The following TBCD variants were observed in gnomAD, a reference collection of about 807,000 sequenced individuals.
TBCD encodes the protein tubulin-specific chaperone D.
Under a neutral mutation model 169.3 loss-of-function variants are expected in TBCD, and 105 were observed. The observed-to-expected ratio is 0.62, with a 90% confidence interval of 0.53 to 0.73. TBCD has a LOEUF of 0.73. Among genes scored for constraint, TBCD ranks in the 30% least tolerant of loss-of-function variants. TBCD has a pLI of 0.00. For synonymous variants in TBCD, 700 were observed against 643.9 expected, an observed-to-expected ratio of 1.09 and a Z score of -1.32; for missense variants, 1,444 against 1,600.1, an observed-to-expected ratio of 0.90 and a Z score of 1.66.
intron 15 of TBCD, among the ~76,000 whole-genome samples, chr17:82,887,947 A>T (rs2058869818): frequency 6.6e-6 from 1 of 151,888 alleles, no homozygotes; most frequent in African/African-American, 2.4e-5. Context: ...TGTTTTTTGT[A>T]GTTCTTGAGT....
chr17:82,941,523 C>A (rs2063259067), intron 38 of TBCD, 40 bp downstream of exon 38: 2 of 1,529,322 alleles, frequency 1.3e-6, no homozygotes, highest in Non-Finnish European at 8.9e-7. Context: ...GCCTGTGCTT[C>A]CCTGAGCTCT....
At chr17:82,895,241 C>T (rs1279905956) in intron 17 of TBCD, among the ~76,000 whole-genome samples, 1 of 152,232 alleles carries the variant, frequency 6.6e-6, no homozygotes, top group Non-Finnish European at 1.5e-5. Context: ...CACCGGCAGG[C>T]AGGCCCCTCC....
chr17:82,930,665 C>T lies in TBCD; in HGVS notation c.3113+22C>T. ...AGAGGTGAGTGGTGTCTCTTGGGGC[C>T]TCAGAGGCGTGAGTGGTGCTGGTGC... On this transcript the variant is annotated intron_variant, in intron 33 of 38. Coordinates refer to ENST00000355528, the MANE Select transcript of TBCD (RefSeq NM_005993.5). This position sits in a 1 kb window ranked among gnomAD's most constrained non-coding sequence, Gnocchi z 5.2. 1 of 1,613,786 alleles carries T rather than the reference C, an allele frequency of 6.2e-7. No homozygotes were observed. The highest frequency in any genetic ancestry group is 8.5e-7 in the Non-Finnish European group (1 of 1,179,812).
At position 82,831,660 on chromosome 17, in the gene TBCD, C is replaced by A. The variant is rs375619355; in HGVS notation, c.1318+16726C>A. 15 of 1,613,970 alleles carry A rather than the reference C, an allele frequency of 9.3e-6. No homozygotes were observed. Among genetic ancestry groups the A allele is most frequent in the Middle Eastern group, 1.6e-4 (1 of 6,084 alleles). ...ACAGCAGGGGTGCGTCACACTCAGG[C>A]GAGCTCCCAGCCAGCAGGTAAGGCG... On this transcript the variant is annotated intron_variant, in intron 13 of 38. Transcript: ENST00000355528. The surrounding 1 kb of genome is among the most constrained non-coding windows in gnomAD (Gnocchi z 4.6).
At chr17:82,846,530 C>T (rs1392594410) in intron 13 of TBCD, among the ~76,000 whole-genome samples, 7 of 152,222 alleles carry the variant, frequency 4.6e-5, no homozygotes, top group Admixed American at 6.5e-5. Flanking sequence ...CCGTCCCTGG[C>T]GGTAGTGAGA....
chr17:82,857,638 T>C (rs769671897), intron 13 of TBCD, among the ~76,000 whole-genome samples: 1 of 152,044 alleles, frequency 6.6e-6, no homozygotes, highest in East Asian at 1.9e-4. Flanking sequence ...CTGTATGGAG[T>C]AACGTATTGT....
intron 13 of TBCD, among the ~76,000 whole-genome samples, chr17:82,820,990 C>G (rs1047956278): frequency 1.3e-5 from 2 of 152,178 alleles, no homozygotes; most frequent in Non-Finnish European, 1.5e-5. Flanking sequence ...GGGTCTTGCT[C>G]TGTCGCCCAG....
chr17:82,778,654 G>A lies in TBCD; in HGVS notation c.639-2935G>A, dbSNP rs145064979. Among the ~76,000 whole-genome samples the A allele has an allele frequency of 8.8e-3, 1,291 of 146,112 alleles. 14 individuals carry two copies. Among genetic ancestry groups the A allele is most frequent in the African/African-American group, 0.029 (1,140 of 38,990 alleles). ...CTTTTTCTTTTTTTTTTTTTGAGAC[G>A]GAGCTTTGCTCTTGTTGCCCAGGCT... is the stretch of plus-strand genomic sequence containing the variant. On this transcript the variant is annotated intron_variant, in intron 6 of 38. Coordinates refer to ENST00000355528, the MANE Select transcript of TBCD (RefSeq NM_005993.5).
At chr17:82,821,412 C>G (rs2052403941) in intron 13 of TBCD, among the ~76,000 whole-genome samples, 1 of 152,120 alleles carries the variant, frequency 6.6e-6, no homozygotes. Flanking sequence ...GCTTTAAAGC[C>G]TAAAAAGGAA....
chr17:82,766,271 G>A lies in TBCD; in HGVS notation c.338G>A (p.Arg113Gln), dbSNP rs2048011186. The A allele has an allele frequency of 6.2e-7, 1 of 1,608,946 alleles. No individual in the cohort carries two copies. The highest frequency in any genetic ancestry group is 8.5e-7 in the Non-Finnish European group (1 of 1,177,330). The change falls in exon 4 of 39, where the codon CGA becomes CAA. Residue 113 changes from arginine (R) to glutamine (Q), a missense_variant. Coordinates refer to ENST00000355528, the MANE Select transcript of TBCD (RefSeq NM_005993.5). ...CAGCATCTCTTTATTTGATAGGTTC[G>A]AGGCTATAAAACATTTCTTCGTTTA... is the stretch of plus-strand genomic sequence containing the variant. ...FKFLYIITKV[R>Q]GYKTFLRLFP... is the part of the protein sequence containing the mutation.
intron 23 of TBCD, among the ~76,000 whole-genome samples, chr17:82,919,011 C>T (rs748958403): frequency 5.3e-5 from 8 of 152,170 alleles, no homozygotes; most frequent in Non-Finnish European, 1.0e-4. Context: ...TAAAAACTAC[C>T]ATCATAAAAA....
chr17:82,914,871 G>A (rs894509536), intron 23 of TBCD, among the ~76,000 whole-genome samples: 2 of 152,186 alleles, frequency 1.3e-5, no homozygotes, highest in African/African-American at 4.8e-5. Context: ...CAGCTTTCAA[G>A]TAGGAATAGT....
chr17:82,868,544 T>G (rs2057344835), intron 13 of TBCD, among the ~76,000 whole-genome samples: 2 of 152,214 alleles, frequency 1.3e-5, no homozygotes, highest in Admixed American at 6.5e-5. Flanking sequence ...TTATGTAGTT[T>G]TAGTAAGTGT....
rs533887354 is a variant in TBCD at position 82,884,014 on chromosome 17, G to A, written c.1476-131G>A. 3.2e-5 allele frequency: 26 copies of A among 806,906 alleles called. No homozygotes were observed. The African/African-American group carries it at 3.8e-4, about 12-fold the overall frequency. The allele number at this position is 806,906 out of a possible 1,614,324, so 50.0% of individuals were successfully genotyped here. A position where few individuals can be genotyped will look rare whatever the true frequency, so the allele number is the denominator to read the frequency against. On this transcript the variant is annotated intron_variant, in intron 14 of 38. Transcript: ENST00000355528. The surrounding 1 kb of genome is among the most constrained non-coding windows in gnomAD (Gnocchi z 4.2). Reference sequence around the variant, plus strand: ...GCAGTCCCTGGGTGCCTCAAGCTGTGTGTTGCCTGTGGGGCATGTCTGAAC... The same window carrying A: ...GCAGTCCCTGGGTGCCTCAAGCTGTATGTTGCCTGTGGGGCATGTCTGAAC...
At chr17:82,853,803 C>A (rs372951928) in intron 13 of TBCD, among the ~76,000 whole-genome samples, 23 of 152,268 alleles carry the variant, frequency 1.5e-4, no homozygotes, top group African/African-American at 5.5e-4. Flanking sequence ...TAAAAATCTA[C>A]CGTATGTGAT....
At chr17:82,906,653 G>A (rs57716565) in intron 20 of TBCD, among the ~76,000 whole-genome samples, 4,297 of 152,278 alleles carry the variant, frequency 0.028, 212 homozygotes, top group African/African-American at 0.098. Flanking sequence ...CCATAGTGAC[G>A]GCAACCTGCT....
At chr17:82,828,803 G>A in intron 13 of TBCD, among the ~76,000 whole-genome samples, 1 of 150,736 alleles carries the variant, frequency 6.6e-6, no homozygotes, top group Non-Finnish European at 1.5e-5. Context: ...ATGCACATGT[G>A]CACACCCACA....
At chr17:82,762,656 C>T (rs1238544434) in intron 2 of TBCD, among the ~76,000 whole-genome samples, 1 of 151,062 alleles carries the variant, frequency 6.6e-6, no homozygotes, top group African/African-American at 2.4e-5. Context: ...GGCTGAGGCA[C>T]GAGAATTACT....
chr17:82,866,870 TTCTC>T (rs1038798715), intron 13 of TBCD, among the ~76,000 whole-genome samples: 1 of 149,134 alleles, frequency 6.7e-6, no homozygotes, highest in African/African-American at 2.6e-5. Context: ...AACTGGCCTC[TTCTC>T]TTTAAGACAG....
Sources: allele counts gnomAD v4.1 joint callset (sites outside exome capture counted in the v4.1 genomes callset), GRCh38; gene constraint gnomAD v4.1.1; non-coding constraint Gnocchi (gnomAD v3.1); transcripts MANE v1.5; gene names NCBI Gene and HGNC (gene_info 2026-07-23, HGNC 2026-07-21).